KCNH5: variants seen among roughly 807,000 people sequenced by gnomAD.
KCNH5 encodes voltage-gated delayed rectifier potassium channel KCNH5.
KCNH5 carries 46 observed loss-of-function variants against 96.1 expected under a neutral mutation model. The observed-to-expected ratio is 0.48, with a 90% confidence interval of 0.38 to 0.61. KCNH5 has a LOEUF of 0.61. KCNH5 is among the 20% of genes least tolerant of loss of function. The pLI, the probability that KCNH5 is intolerant of heterozygous loss-of-function variation, is 0.00. For missense variants in KCNH5, 907 were observed against 1,225.8 expected (o/e 0.74, Z 3.88); for synonymous variants, 439 against 449.8 (o/e 0.98, Z 0.30).
chr14:62,846,588 A>C (rs903426618), intron 8 of KCNH5, among the ~76,000 whole-genome samples: 1 of 151,564 alleles, frequency 6.6e-6, no homozygotes, highest in African/African-American at 2.4e-5. Flanking sequence ...ATATTTTCTT[A>C]GATTTTTAGT....
chr14:62,779,844 A>G lies in KCNH5; in HGVS notation c.1903T>C (p.Tyr635His). Residue 635 changes from tyrosine to histidine, a missense_variant, in exon 10 of 11, where the codon TAC becomes CAC. Tyr to His is a moderately conservative substitution (Grantham distance 83). Around this residue, in one of 6 missense-constraint regions of KCNH5, gnomAD observed 57 missense variants for 76.0 expected, o/e 0.75. Coordinates refer to ENST00000322893, the MANE Select transcript of KCNH5 (RefSeq NM_139318.5). ...CGCTTGATGATGTGTAGGTCACAGT[A>G]CGTCAGTGCCCGGACGTTCGCACAT... ...HACANVRALT[Y>H]CDLHIIKREA... The G allele has an allele frequency of 6.2e-7, 1 of 1,613,610 alleles. No homozygotes were observed. The highest frequency in any genetic ancestry group is 1.1e-5 in the South Asian group (1 of 91,040).
At chr14:62,899,811 G>T (rs1167475318) in intron 7 of KCNH5, among the ~76,000 whole-genome samples, 3 of 143,160 alleles carry the variant, frequency 2.1e-5, no homozygotes, top group Admixed American at 1.4e-4. Context: ...TCCAGCCTGG[G>T]CGACAGAGCG....
intron 7 of KCNH5, among the ~76,000 whole-genome samples, chr14:62,941,960 G>A (rs958965035): frequency 6.6e-6 from 1 of 152,026 alleles, no homozygotes; most frequent in African/African-American, 2.4e-5. Flanking sequence ...AGTCTTCCTA[G>A]CTGCCTAATT....
chr14:62,990,353 A>G (rs1198308442), intron 4 of KCNH5, among the ~76,000 whole-genome samples: 1 of 152,082 alleles, frequency 6.6e-6, no homozygotes, highest in Non-Finnish European at 1.5e-5. Context: ...AGTTGTTCCT[A>G]ATACAAAAAA....
intron 1 of KCNH5, 26 bp downstream of exon 1, chr14:63,045,088 G>T (rs1166303642): frequency 1.9e-6 from 3 of 1,577,072 alleles, no homozygotes; most frequent in East Asian, 2.2e-5. Flanking sequence ...GGAGGTGGGG[G>T]TGTTCTGAAC....
At chr14:62,916,475 C>T (rs1456127321) in intron 7 of KCNH5, among the ~76,000 whole-genome samples, 1 of 152,150 alleles carries the variant, frequency 6.6e-6, no homozygotes, top group East Asian at 1.9e-4. Context: ...ACAGAACAAA[C>T]CTGATGTGAG....
chr14:62,884,558 G>A (rs915670411), intron 7 of KCNH5, among the ~76,000 whole-genome samples: 12 of 152,124 alleles, frequency 7.9e-5, no homozygotes, highest in African/African-American at 2.9e-4. Flanking sequence ...CCCGGGAGGC[G>A]GAGGTTGCAG....
At chr14:62,827,208 T>A (rs1378165937) in intron 8 of KCNH5, among the ~76,000 whole-genome samples, 2 of 152,160 alleles carry the variant, frequency 1.3e-5, no homozygotes. Context: ...CAAACAAATA[T>A]ATTCAGTGCT....
chr14:62,763,550 A>G (rs979099640), intron 10 of KCNH5, among the ~76,000 whole-genome samples: 1 of 152,156 alleles, frequency 6.6e-6, no homozygotes, highest in African/African-American at 2.4e-5. Context: ...AGCTGAACTG[A>G]ACAAAATTGA....
intron 6 of KCNH5, among the ~76,000 whole-genome samples, chr14:62,976,319 C>T (rs952776450): frequency 3.6e-4 from 54 of 149,896 alleles, no homozygotes; most frequent in African/African-American, 1.3e-3. Flanking sequence ...AGGAGAATGG[C>T]GTGAACCCAG....
intron 7 of KCNH5, among the ~76,000 whole-genome samples, chr14:62,885,198 A>T (rs1376297217): frequency 6.6e-6 from 1 of 152,158 alleles, no homozygotes; most frequent in Admixed American, 6.5e-5. Flanking sequence ...ACAACTGAAA[A>T]CCAAAACCTA....
intron 10 of KCNH5, among the ~76,000 whole-genome samples, chr14:62,732,019 G>GT: frequency 6.6e-6 from 1 of 152,202 alleles, no homozygotes; most frequent in South Asian, 2.1e-4. Context: ...AAATTTTCTT[G>GT]TTCTTGGCCA....
intron 10 of KCNH5, among the ~76,000 whole-genome samples, chr14:62,775,299 G>T (rs1208577556): frequency 2.0e-5 from 3 of 152,190 alleles, no homozygotes. Flanking sequence ...ATGAGACCAG[G>T]AGTTCATTAA....
intron 7 of KCNH5, among the ~76,000 whole-genome samples, chr14:62,910,530 A>G (rs1341370449): frequency 6.6e-6 from 1 of 152,236 alleles, no homozygotes; most frequent in Non-Finnish European, 1.5e-5. Flanking sequence ...TCAACATACA[A>G]GAATCAGTAA....
intron 10 of KCNH5, among the ~76,000 whole-genome samples, chr14:62,759,263 A>T (rs750529926): frequency 6.6e-6 from 1 of 152,290 alleles, no homozygotes; most frequent in East Asian, 1.9e-4. Flanking sequence ...GCTGAAGCAC[A>T]CCTGAGGATT....
chr14:62,825,568 T>C (rs539974854), intron 8 of KCNH5, among the ~76,000 whole-genome samples: 3 of 152,186 alleles, frequency 2.0e-5, no homozygotes, highest in Admixed American at 1.3e-4. Flanking sequence ...CAGCATCTAA[T>C]AAAAATTTAA....
At position 62,793,221 on chromosome 14, in the gene KCNH5, C is replaced by T. The variant is rs182163499; in HGVS notation, c.1822+9108G>A. ...AGATGAATTAAGTTTTAGATATCTG[C>T]TGTACACATAGAGCCTATACTTCAC... On this transcript the variant is annotated intron_variant, in intron 9 of 10. Coordinates refer to ENST00000322893, the MANE Select transcript of KCNH5 (RefSeq NM_139318.5). 2.5e-4 allele frequency among the ~76,000 whole-genome samples: 38 copies of T among 151,842 alleles called. No homozygotes were observed. The East Asian group carries it at 7.2e-3, about 29-fold the overall frequency.
At chr14:63,039,668 G>A (rs928643301) in intron 1 of KCNH5, among the ~76,000 whole-genome samples, 4 of 152,044 alleles carry the variant, frequency 2.6e-5, no homozygotes, top group Non-Finnish European at 4.4e-5. Flanking sequence ...AGTCTAAAAT[G>A]TATTTAAATC....
intron 1 of KCNH5, among the ~76,000 whole-genome samples, chr14:63,028,109 CCTCT>C (rs10547361): frequency 6.7e-6 from 1 of 148,600 alleles, no homozygotes; most frequent in Non-Finnish European, 1.5e-5. Context: ...GCTTTACAAA[CCTCT>C]CTCTCTCTCT....
Sources: allele counts gnomAD v4.1 joint callset (sites outside exome capture counted in the v4.1 genomes callset), GRCh38; gene constraint gnomAD v4.1.1; regional missense constraint gnomAD v4.1.1; transcripts MANE v1.5; gene names NCBI Gene and HGNC (gene_info 2026-07-23, HGNC 2026-07-21).